The following KIAA1549L variants were observed in gnomAD, a reference collection of about 807,000 sequenced individuals.
The protein encoded by KIAA1549L is UPF0606 protein KIAA1549L.
Under a neutral mutation model 160.7 loss-of-function variants are expected in KIAA1549L, and 88 were observed. That is an observed-to-expected ratio of 0.55 (90% CI 0.46 to 0.65). The LOEUF is 0.65. Ranked by LOEUF, KIAA1549L falls within the 30% of genes least tolerant of loss-of-function variation. The pLI is 0.00. For synonymous variants in KIAA1549L, 950 were observed against 976.7 expected (o/e 0.97, Z 0.51); for missense variants, 2,258 against 2,437.5 (o/e 0.93, Z 1.55).
At chr11:33,459,994 C>T (rs1362297335) in intron 1 of KIAA1549L, among the ~76,000 whole-genome samples, 4 of 150,136 alleles carry the variant, frequency 2.7e-5, no homozygotes, top group African/African-American at 1.0e-4. Context: ...GCCTTCATCC[C>T]ACTTGCTCCT....
intron 16 of KIAA1549L, 67 bp downstream of exon 16, chr11:33,618,729 T>TC: frequency 4.6e-5 from 62 of 1,340,906 alleles, no homozygotes; most frequent in Non-Finnish European, 5.7e-5. Context: ...GGATAGGGCA[T>TC]CCCACTGTGT....
At chr11:33,586,415 A>C (rs1044789809) in intron 11 of KIAA1549L, among the ~76,000 whole-genome samples, 1 of 142,728 alleles carries the variant, frequency 7.0e-6, no homozygotes, top group Non-Finnish European at 1.6e-5. Flanking sequence ...GGGCTTCTGC[A>C]GGTAGAATGG....
At chr11:33,598,541 G>A (rs975976754) in intron 12 of KIAA1549L, among the ~76,000 whole-genome samples, 1 of 152,102 alleles carries the variant, frequency 6.6e-6, no homozygotes, top group African/African-American at 2.4e-5. Flanking sequence ...CCATAGTCAC[G>A]GCGGGTGGTG....
chr11:33,378,904 G>T (rs1315539486), intron 1 of KIAA1549L, among the ~76,000 whole-genome samples: 1 of 152,202 alleles, frequency 6.6e-6, no homozygotes, highest in East Asian at 1.9e-4. Flanking sequence ...TGGGCCTAAT[G>T]CAGGGCATCC....
Position 33,559,839 on chromosome 11 carries a change from A to T in KIAA1549L, c.3946A>T (p.Ser1316Cys). ...ATTCCTCAACGGCACCGTCGCCAGC[A>T]GCCTCCTCAGCCAGCTCTCGGCTGA... ...STFLNGTVAS[S>C]LLSQLSAELV... The change falls in exon 7 of 21, where the codon AGC becomes TGC. Residue 1316 changes from serine to cysteine, a missense_variant. Physicochemically the swap from Ser to Cys is moderately radical, Grantham distance 112 (BLOSUM62 -1). Coordinates refer to ENST00000658780, the MANE Select transcript of KIAA1549L (RefSeq NM_012194.3). 1 of 1,614,034 alleles carries T rather than the reference A, an allele frequency of 6.2e-7. No individual in the cohort carries two copies.
intron 9 of KIAA1549L, among the ~76,000 whole-genome samples, chr11:33,570,467 T>C (rs1288738390): frequency 6.6e-6 from 1 of 152,152 alleles, no homozygotes; most frequent in Non-Finnish European, 1.5e-5. Flanking sequence ...AATTTGCTAT[T>C]AAGTTGAAAC....
At chr11:33,433,301 A>G (rs1590240806) in intron 1 of KIAA1549L, among the ~76,000 whole-genome samples, 2 of 152,346 alleles carry the variant, frequency 1.3e-5, no homozygotes, top group South Asian at 4.1e-4. Context: ...ACAGACACGT[A>G]TCAAAAGAAG....
chr11:33,386,676 T>C (rs1211764531), intron 1 of KIAA1549L, among the ~76,000 whole-genome samples: 1 of 150,164 alleles, frequency 6.7e-6, no homozygotes, highest in Non-Finnish European at 1.5e-5. Flanking sequence ...AGAGCAAGAC[T>C]CCATCTCAAA....
intron 1 of KIAA1549L, among the ~76,000 whole-genome samples, chr11:33,531,653 T>C (rs1424817403): frequency 6.6e-6 from 1 of 152,222 alleles, no homozygotes; most frequent in African/African-American, 2.4e-5. Context: ...TGGCATCACT[T>C]CAAGGCATGG....
At chr11:33,561,196 A>G (rs967250776) in intron 7 of KIAA1549L, among the ~76,000 whole-genome samples, 1 of 152,218 alleles carries the variant, frequency 6.6e-6, no homozygotes, top group Non-Finnish European at 1.5e-5. Context: ...TGATGGTCAG[A>G]TGATTTTTAA....
At chr11:33,635,130 C>T (rs1851404385) in intron 16 of KIAA1549L, among the ~76,000 whole-genome samples, 1 of 152,178 alleles carries the variant, frequency 6.6e-6, no homozygotes, top group South Asian at 2.1e-4. Flanking sequence ...CTTCTTCCCA[C>T]CTGGTGAAGT....
rs143681958 is a variant in KIAA1549L at position 33,531,236 on chromosome 11, C to T, written c.239-10566C>T. On this transcript the variant is annotated intron_variant, in intron 1 of 20. Coordinates refer to ENST00000658780, the MANE Select transcript of KIAA1549L (RefSeq NM_012194.3). ...CGCCTGTAATCCCAGCACTTTCAGA[C>T]GCCAAGGCAGGTGGATCTTTGAGGT... 4.4e-3 allele frequency among the ~76,000 whole-genome samples: 671 copies of T among 152,064 alleles called. 9 individuals are homozygous for T. Among genetic ancestry groups the T allele is most frequent in the African/African-American group, 0.015 (624 of 41,476 alleles).
rs907875467 is a variant in KIAA1549L at position 33,552,138 on chromosome 11, T to C, written c.3752T>C (p.Ile1251Thr). The C allele has an allele frequency of 3.7e-6, 6 of 1,613,510 alleles. No homozygotes were observed. The highest frequency in any genetic ancestry group is 3.3e-5 in the Admixed American group (2 of 59,968). Residue 1251 changes from isoleucine to threonine, a missense_variant, in exon 6 of 21, where the codon ATA (isoleucine) becomes ACA (threonine). Around this residue, in one of 6 missense-constraint regions of KIAA1549L, gnomAD observed 1,359 missense variants for 1,546.6 expected, o/e 0.88. Coordinates refer to ENST00000658780, the MANE Select transcript of KIAA1549L (RefSeq NM_012194.3). ...VLQFVSQADN[I>T]QSCKFAQTME... ...CAGTTTGTGAGCCAAGCGGACAACATACAGTCCTGCAAGTTTGCTCAGACA... is the reference window on the plus strand; with the variant it reads ...CAGTTTGTGAGCCAAGCGGACAACACACAGTCCTGCAAGTTTGCTCAGACA...
chr11:33,652,471 G>A (rs1851924573), intron 17 of KIAA1549L, among the ~76,000 whole-genome samples: 1 of 152,168 alleles, frequency 6.6e-6, no homozygotes, highest in African/African-American at 2.4e-5. Context: ...TCTTCAAGAA[G>A]GGAATTCCCT....
chr11:33,613,428 A>C (rs1223008398), intron 15 of KIAA1549L, among the ~76,000 whole-genome samples: 2 of 152,164 alleles, frequency 1.3e-5, no homozygotes, highest in Non-Finnish European at 2.9e-5. Flanking sequence ...TGGGTAATTT[A>C]TAAAGAAAAG....
chr11:33,503,681 T>G (rs942283311), intron 1 of KIAA1549L, among the ~76,000 whole-genome samples: 1 of 152,256 alleles, frequency 6.6e-6, no homozygotes, highest in African/African-American at 2.4e-5. Flanking sequence ...GAAATATGTC[T>G]GGCTGTACTT....
At chr11:33,494,676 G>A (rs572245810) in intron 1 of KIAA1549L, among the ~76,000 whole-genome samples, 1 of 152,284 alleles carries the variant, frequency 6.6e-6, no homozygotes, top group East Asian at 1.9e-4. Flanking sequence ...AGGGTGCTAA[G>A]TGGCCAGTGA....
chr11:33,484,385 T>G (rs529767360), intron 1 of KIAA1549L, among the ~76,000 whole-genome samples: 2 of 152,330 alleles, frequency 1.3e-5, no homozygotes, highest in South Asian at 2.1e-4. Flanking sequence ...TGGATCTGCA[T>G]TCTTCAATTC....
Position 33,565,387 on chromosome 11 carries a change from TAGTACCAGGCTAGAAGC to T in KIAA1549L, c.4079-2687_4079-2671del, listed in dbSNP as rs1375611075. Among the ~76,000 whole-genome samples the T allele has an allele frequency of 7.2e-5, 11 of 152,306 alleles. No individual in the cohort carries two copies. In the South Asian group the frequency reaches 1.5e-3, roughly 20 times the overall value. On this transcript the variant is annotated intron_variant, in intron 8 of 20. Coordinates refer to ENST00000658780, the MANE Select transcript of KIAA1549L (RefSeq NM_012194.3). ...TGCCGTTCCCTCAAGGGCCTTATGA[TAGTACCAGGCTAGAAGC>T]ATTTTTTATTGAATTATCCTTTCTT...
Sources: allele counts gnomAD v4.1 joint callset (sites outside exome capture counted in the v4.1 genomes callset), GRCh38; gene constraint gnomAD v4.1.1; regional missense constraint gnomAD v4.1.1; transcripts MANE v1.5; gene names NCBI Gene and HGNC (gene_info 2026-07-23, HGNC 2026-07-21).